RAB27A: variants seen among roughly 807,000 people sequenced by gnomAD.
RAB27A encodes the protein RAB27A, member RAS oncogene family.
Under a neutral mutation model 20.8 loss-of-function variants are expected in RAB27A, and 17 were observed. The observed-to-expected ratio is 0.82, with a 90% CI of 0.56 to 1.23. The LOEUF is 1.23. Among genes scored for constraint, RAB27A ranks in the 50% most tolerant of loss-of-function variants. The pLI, the probability that RAB27A is intolerant of heterozygous loss-of-function variation, is 0.00. For synonymous variants in RAB27A, 85 were observed against 92.8 expected, an observed-to-expected ratio of 0.92 and a Z score of 0.48; for missense variants, 277 against 266.7, an observed-to-expected ratio of 1.04 and a Z score of -0.27.
chr15:55,275,932 A>C (rs1393715395), intron 1 of RAB27A, among the ~76,000 whole-genome samples: 3 of 139,446 alleles, frequency 2.2e-5, no homozygotes, highest in African/African-American at 7.6e-5. Context: ...AAAAAAAAAA[A>C]AAAAAAAACA....
At position 55,301,047 on chromosome 15, in the gene RAB27A, T is replaced by C. The variant is rs117295762; in HGVS notation, c.-112+12992A>G. Among the ~76,000 whole-genome samples the C allele has an allele frequency of 4.9e-4, 75 of 152,216 alleles. No individual in the cohort carries two copies. The East Asian group carries it at 9.1e-3, about 18-fold the overall frequency. On this transcript the variant is annotated intron_variant, in intron 2 of 5. Coordinates refer to the RAB27A transcript ENST00000563262. ...ATGGCCACTGGATACAGGCCCTAAGTTGACACTGGTACAAGCAGACTAGAA... is the reference window on the plus strand; with the variant it reads ...ATGGCCACTGGATACAGGCCCTAAGCTGACACTGGTACAAGCAGACTAGAA...
In RAB27A at chr15:55,307,930, T is replaced by C. The variant is rs557206971; in HGVS notation, c.-112+6109A>G. Among the ~76,000 whole-genome samples the C allele has an allele frequency of 7.2e-5, 11 of 152,170 alleles. No homozygotes were observed. In the South Asian group the frequency reaches 2.1e-3, roughly 29 times the overall value. On this transcript the variant is annotated intron_variant, in intron 2 of 5. Coordinates refer to the RAB27A transcript ENST00000563262. Reference sequence around the variant, plus strand: ...ATCAATGCCTAAGTGAAAGGTTTGCTGAAGGGTTTTAAGTAATTTCCATTG... The same window carrying C: ...ATCAATGCCTAAGTGAAAGGTTTGCCGAAGGGTTTTAAGTAATTTCCATTG...
chr15:55,213,928 A>G (rs1005242749), intron 6 of RAB27A, among the ~76,000 whole-genome samples: 2 of 152,190 alleles, frequency 1.3e-5, no homozygotes, highest in Non-Finnish European at 2.9e-5. Context: ...CCACACCTCC[A>G]CTGGTCCATG....
At chr15:55,280,515 A>ATAAAG (rs1897988304) in intron 1 of RAB27A, among the ~76,000 whole-genome samples, 1 of 149,610 alleles carries the variant, frequency 6.7e-6, no homozygotes, top group African/African-American at 2.4e-5. Context: ...ATATATATAT[A>ATAAAG]TATATATATA....
intron 5 of RAB27A, among the ~76,000 whole-genome samples, chr15:55,227,005 C>T (rs561443502): frequency 6.6e-6 from 1 of 152,116 alleles, no homozygotes; most frequent in African/African-American, 2.4e-5. Context: ...CCACTTCTGA[C>T]ACTGAACATT....
chr15:55,287,210 G>A lies in RAB27A; in HGVS notation c.-143+2506C>T, dbSNP rs558559943. 9.3e-4 allele frequency among the ~76,000 whole-genome samples: 140 copies of A among 151,066 alleles called. 1 individual carries two copies. Among genetic ancestry groups the A allele is most frequent in the South Asian group, 2.5e-3 (12 of 4,760 alleles). On this transcript the variant is annotated intron_variant, in intron 1 of 6. Coordinates refer to ENST00000336787, the MANE Select transcript of RAB27A (RefSeq NM_183235.3). ...GCTGCGATTACAGGCGTGAGCCACC[G>A]CACCCGGCCTGCTGAGGAATTTAAT...
chr15:55,229,031 T>G (rs1411159452), intron 4 of RAB27A, among the ~76,000 whole-genome samples: 2 of 152,210 alleles, frequency 1.3e-5, no homozygotes, highest in African/African-American at 4.8e-5. Context: ...TGTGAAAGCT[T>G]GACTTGACAT....
chr15:55,206,593 T>C (rs1298083088), intron 6 of RAB27A, among the ~76,000 whole-genome samples: 1 of 152,162 alleles, frequency 6.6e-6, no homozygotes, highest in East Asian at 1.9e-4. Context: ...CCCACCCGCC[T>C]TGGCCTCCAA....
chr15:55,273,364 G>T (rs572280091), intron 1 of RAB27A, among the ~76,000 whole-genome samples: 1 of 149,998 alleles, frequency 6.7e-6, no homozygotes, highest in South Asian at 2.1e-4. Context: ...AGCCAAGATC[G>T]CGCCACTGCA....
At chr15:55,293,398 CTAA>C (rs1321291003), upstream of RAB27A, among the ~76,000 whole-genome samples, 2 of 150,428 alleles carry the variant, frequency 1.3e-5, no homozygotes, top group African/African-American at 4.9e-5. Context: ...TCTATTAGTG[CTAA>C]TAAATGAAAT....
At position 55,202,990 on chromosome 15, in the gene RAB27A, A is replaced by G. The variant is rs1206133556; in HGVS notation, c.*2517T>C. 2 of 152,212 alleles carry G rather than the reference A, an allele frequency of 1.3e-5. No individual in the cohort carries two copies. The highest frequency in any genetic ancestry group is 2.9e-5 in the Non-Finnish European group (2 of 68,034). The allele number at this position is 152,212 out of a possible 1,614,324, so 9.4% of individuals were successfully genotyped here. A position where few individuals can be genotyped will look rare whatever the true frequency, so the allele number is the denominator to read the frequency against. On this transcript the variant is annotated 3_prime_UTR_variant, in exon 7 of 7. Coordinates refer to ENST00000336787, the MANE Select transcript of RAB27A (RefSeq NM_183235.3). The stretch of plus-strand genomic sequence containing the variant: ...ATTTGACAGACTAGACCACTTTTTT[A>G]TTACAGCTTAATTGGCACATGGTTC...
chr15:55,205,132 C>G lies in RAB27A; in HGVS notation c.*375G>C. ...GCGGTTTTATAACTGCATGTAAGAT[C>G]TTAAATGTAAGACTCTGGGCCTACC... is the stretch of plus-strand genomic sequence containing the variant. On this transcript the variant is annotated 3_prime_UTR_variant, in exon 7 of 7. Transcript: ENST00000336787. 3.6e-6 allele frequency: 1 copy of G among 277,632 alleles called. No individual in the cohort carries two copies. Among genetic ancestry groups the G allele is most frequent in the Non-Finnish European group, 7.0e-6 (1 of 142,420 alleles). The allele number at this position is 277,632 out of a possible 1,614,324, so 17.2% of individuals were successfully genotyped here. A position where few individuals can be genotyped will look rare whatever the true frequency, so the allele number is the denominator to read the frequency against.
chr15:55,284,652 T>G (rs1193311478), intron 1 of RAB27A, among the ~76,000 whole-genome samples: 1 of 152,164 alleles, frequency 6.6e-6, no homozygotes, highest in Admixed American at 6.5e-5. Flanking sequence ...GAGGTGATCT[T>G]GAGTGGATGG....
chr15:55,247,902 T>C (rs570716978), intron 2 of RAB27A, among the ~76,000 whole-genome samples: 13 of 151,468 alleles, frequency 8.6e-5, no homozygotes, highest in African/African-American at 2.7e-4. Context: ...GCCTCCCTTG[T>C]CCTGCCTACC....
At chr15:55,206,317 A>T (rs1277424422) in intron 6 of RAB27A, 2 of 785,766 alleles carry the variant, frequency 2.5e-6, no homozygotes, top group Non-Finnish European at 3.1e-6. Flanking sequence ...ATTCTGGAAG[A>T]CAGAGACAGA....
At chr15:55,288,525 GA>G (rs1024208704) in intron 1 of RAB27A, among the ~76,000 whole-genome samples, 3 of 143,372 alleles carry the variant, frequency 2.1e-5, no homozygotes, top group East Asian at 4.0e-4. Flanking sequence ...TGTCTCAAAA[GA>G]AAAAAAAGGA....
chr15:55,291,435 C>G (rs1462943648), upstream of RAB27A, among the ~76,000 whole-genome samples: 3 of 138,714 alleles, frequency 2.2e-5, no homozygotes, highest in South Asian at 7.0e-4. Flanking sequence ...CGCTTGAACC[C>G]GAGAGGTGGA....
chr15:55,250,638 T>A (rs1203764515), intron 2 of RAB27A, among the ~76,000 whole-genome samples: 1 of 152,210 alleles, frequency 6.6e-6, no homozygotes, highest in Non-Finnish European at 1.5e-5. Flanking sequence ...ACATGTTGCA[T>A]CACAACATTT....
intron 2 of RAB27A, among the ~76,000 whole-genome samples, chr15:55,262,799 C>T (rs1211719846): frequency 6.6e-6 from 1 of 151,992 alleles, no homozygotes; most frequent in East Asian, 2.0e-4. Context: ...AAGCCACCCA[C>T]CTGCCTCAGC....
Sources: gnomAD v4.1 joint callset for allele counts (sites outside exome capture counted in the v4.1 genomes callset) on GRCh38, gnomAD v4.1.1 for gene constraint, MANE v1.5 for transcripts, NCBI Gene and HGNC (gene_info 2026-07-23, HGNC 2026-07-21) for gene names.